The following MME variants were observed in gnomAD, a reference collection of about 807,000 sequenced individuals.
MME encodes the protein membrane metalloendopeptidase.
A neutral mutation model predicts 113.2 loss-of-function variants in MME; 98 were observed. That is an observed-to-expected ratio of 0.87 (90% CI 0.74 to 1.02). The LOEUF (loss-of-function observed/expected upper bound fraction) is 1.02. Ranked by LOEUF, MME falls within the 50% of genes least tolerant of loss-of-function variation. The pLI is 0.00. For synonymous variants in MME, 292 were observed against 300.6 expected (o/e 0.97, Z 0.30); for missense variants, 836 against 896.0 (o/e 0.93, Z 0.86).
At chr3:155,063,385 A>C (rs1319586268) in intron 1 of MME, among the ~76,000 whole-genome samples, 1 of 104,776 alleles carries the variant, frequency 9.5e-6, no homozygotes, top group Non-Finnish European at 1.7e-5. Context: ...ATATAAATAT[A>C]TATTTCATAT....
chr3:155,107,525 T>A (rs1030416994), intron 3 of MME, among the ~76,000 whole-genome samples: 1 of 152,190 alleles, frequency 6.6e-6, no homozygotes, highest in Non-Finnish European at 1.5e-5. Context: ...ATGGTTTGTA[T>A]CTTTTTCCCA....
chr3:155,085,231 T>C lies in MME; in HGVS notation c.196+137T>C, dbSNP rs1254749540. ...TTTATGTGTCTGGCTCTATAATCAATGGAAATAAAAATATATTTAAGTAGT... is the reference window on the plus strand; with the variant it reads ...TTTATGTGTCTGGCTCTATAATCAACGGAAATAAAAATATATTTAAGTAGT... On this transcript the variant is annotated intron_variant, in intron 3 of 22. Transcript: ENST00000360490. 5.4e-6 allele frequency: 3 copies of C among 554,078 alleles called. No homozygotes were observed. The East Asian group carries it at 9.2e-5, about 17-fold the overall frequency. 34.3% of individuals were successfully genotyped at this position (554,078 alleles called of 1,614,324 possible).
intron 16 of MME, among the ~76,000 whole-genome samples, chr3:155,149,650 C>G (rs1432222277): frequency 6.6e-6 from 1 of 151,906 alleles, no homozygotes; most frequent in Admixed American, 6.6e-5. Context: ...ACTGCACCAC[C>G]AAGAGGGAAA....
At chr3:155,128,895 G>C (rs560786476) in intron 8 of MME, among the ~76,000 whole-genome samples, 1 of 152,038 alleles carries the variant, frequency 6.6e-6, no homozygotes, top group African/African-American at 2.4e-5. Context: ...CCTTGATTCC[G>C]GGAAACATGA....
chr3:155,063,259 A>G (rs1452800378), intron 1 of MME, among the ~76,000 whole-genome samples: 2 of 105,168 alleles, frequency 1.9e-5, no homozygotes, highest in South Asian at 5.0e-4. Flanking sequence ...ATATACATAT[A>G]ATGTATATTA....
At chr3:155,064,594 A>T (rs1464497611) in intron 1 of MME, among the ~76,000 whole-genome samples, 1 of 152,194 alleles carries the variant, frequency 6.6e-6, no homozygotes, top group Non-Finnish European at 1.5e-5. Context: ...AATTATGTTG[A>T]TGAGACTCTT....
chr3:155,100,190 C>G (rs943272602), intron 3 of MME, among the ~76,000 whole-genome samples: 1 of 152,106 alleles, frequency 6.6e-6, no homozygotes, highest in African/African-American at 2.4e-5. Context: ...ACAAAGAACT[C>G]CAACAAATTT....
intron 16 of MME, among the ~76,000 whole-genome samples, chr3:155,150,362 T>G (rs1721833591): frequency 6.6e-6 from 1 of 152,190 alleles, no homozygotes; most frequent in African/African-American, 2.4e-5. Flanking sequence ...TCTTCTCTTT[T>G]TAAGATAGAT....
At chr3:155,166,155 A>T (rs1461596450) in intron 17 of MME, among the ~76,000 whole-genome samples, 1 of 152,148 alleles carries the variant, frequency 6.6e-6, no homozygotes, top group African/African-American at 2.4e-5. Flanking sequence ...AGTTTTAGGC[A>T]TTGTTCAATT....
intron 13 of MME, among the ~76,000 whole-genome samples, 158 bp downstream of exon 13, chr3:155,143,729 T>G (rs1316108471): frequency 2.0e-5 from 3 of 152,132 alleles, no homozygotes; most frequent in Non-Finnish European, 4.4e-5. Context: ...CAATAAATCT[T>G]CCCTTGCCTT....
At chr3:155,051,083 T>C (rs1036691640) in intron 1 of MME, among the ~76,000 whole-genome samples, 8 of 152,176 alleles carry the variant, frequency 5.3e-5, no homozygotes, top group African/African-American at 1.9e-4. Flanking sequence ...AAGACATAAA[T>C]TGAGGAAGAA....
chr3:155,053,505 A>G, intron 1 of MME, among the ~76,000 whole-genome samples: 1 of 152,150 alleles, frequency 6.6e-6, no homozygotes, highest in South Asian at 2.1e-4. Context: ...CTTATTCACT[A>G]TGAGGAGAAC....
upstream of MME, among the ~76,000 whole-genome samples, chr3:155,075,825 A>G (rs1403541102): frequency 6.6e-6 from 1 of 152,158 alleles, no homozygotes; most frequent in Non-Finnish European, 1.5e-5. Context: ...CTGATTGAGT[A>G]AAGACTTCAG....
At chr3:155,104,178 G>T (rs544798046) in intron 3 of MME, among the ~76,000 whole-genome samples, 1 of 152,140 alleles carries the variant, frequency 6.6e-6, no homozygotes, top group African/African-American at 2.4e-5. Context: ...GGTATGTTCA[G>T]TTCCTAAGAG....
intron 1 of MME, among the ~76,000 whole-genome samples, chr3:155,042,954 A>G (rs1434653549): frequency 3.1e-5 from 4 of 130,058 alleles, no homozygotes; most frequent in Non-Finnish European, 4.8e-5. Context: ...ATATATATAT[A>G]TATATCACAT....
chr3:155,087,036 T>C (rs2108176506), intron 3 of MME, among the ~76,000 whole-genome samples: 1 of 149,620 alleles, frequency 6.7e-6, no homozygotes, highest in East Asian at 2.0e-4. Flanking sequence ...AGGGTCTCAC[T>C]ATGTTGCCCA....
chr3:155,033,908 G>A (rs974040230), intron 1 of MME, among the ~76,000 whole-genome samples: 1 of 151,984 alleles, frequency 6.6e-6, no homozygotes, highest in Non-Finnish European at 1.5e-5. Flanking sequence ...TAAACTTGAG[G>A]CAATATAGAA....
In MME at chr3:155,115,124, T is replaced by G; in HGVS notation, c.327T>G (p.Ile109Met). Residue 109 changes from isoleucine to methionine, a missense_variant, in exon 4 of 23, where the codon ATT (isoleucine) becomes ATG (methionine). Coordinates refer to ENST00000360490, the MANE Select transcript of MME (RefSeq NM_007289.4). The stretch of plus-strand genomic sequence containing the variant: ...GCTCCCGTTACGGCAACTTTGACAT[T>G]TTAAGAGATGAACTAGAAGTCGTTT... ...ETSSRYGNFDILRDELEVVLK... is the reference protein window; with the variant it reads ...ETSSRYGNFDMLRDELEVVLK... 1.9e-6 allele frequency: 3 copies of G among 1,614,154 alleles called. No individual in the cohort carries two copies. The South Asian group carries it at 3.3e-5, about 18-fold the overall frequency.
At chr3:155,172,723 C>CCT (rs1712122167) in intron 22 of MME, 111 bp downstream of exon 22, 1 of 634,494 alleles carries the variant, frequency 1.6e-6, no homozygotes, top group East Asian at 3.2e-5. Flanking sequence ...AAATTCAGTG[C>CCT]TTTTTTTTTT....
Sources: allele counts gnomAD v4.1 joint callset (sites outside exome capture counted in the v4.1 genomes callset), GRCh38; gene constraint gnomAD v4.1.1; transcripts MANE v1.5; gene names NCBI Gene and HGNC (gene_info 2026-07-23, HGNC 2026-07-21).